RNLS: variants seen among roughly 807,000 people sequenced by gnomAD.
The protein encoded by RNLS is renalase, FAD dependent amine oxidase.
A neutral mutation model predicts 39.8 loss-of-function variants in RNLS; 39 were observed. The ratio of observed to expected loss-of-function variants is 0.98; its 90% confidence interval spans 0.76 to 1.28. The LOEUF (loss-of-function observed/expected upper bound fraction) is 1.28, where lower values mean the gene tolerates loss of function less well. Ranked by LOEUF, RNLS falls within the 50% of genes most tolerant of loss-of-function variation. RNLS has a pLI of 0.00. For synonymous variants in RNLS, 147 were observed against 150.7 expected (o/e 0.98, Z 0.18); for missense variants, 410 against 413.3 (o/e 0.99, Z 0.07).
intron 4 of RNLS, among the ~76,000 whole-genome samples, chr10:88,467,414 C>T (rs540561829): frequency 1.3e-5 from 2 of 152,102 alleles, no homozygotes; most frequent in East Asian, 1.9e-4. Flanking sequence ...CACAAACACA[C>T]TCAAGAAAAA....
chr10:88,548,834 A>C (rs527367212), intron 4 of RNLS, among the ~76,000 whole-genome samples: 3 of 152,000 alleles, frequency 2.0e-5, no homozygotes, highest in African/African-American at 7.2e-5. Context: ...TCTTGCAAAA[A>C]ATAAAAATAA....
At chr10:88,391,937 C>T (rs943700693) in intron 4 of RNLS, among the ~76,000 whole-genome samples, 2 of 152,246 alleles carry the variant, frequency 1.3e-5, no homozygotes, top group Admixed American at 6.5e-5. Context: ...ATGATAAACA[C>T]TGGCAGTCTG....
intron 4 of RNLS, among the ~76,000 whole-genome samples, chr10:88,565,539 T>TGGG (rs1401748975): frequency 2.0e-5 from 3 of 152,082 alleles, no homozygotes; most frequent in Non-Finnish European, 2.9e-5. Flanking sequence ...ATGATTTCCA[T>TGGG]GGGGGTCCAA....
chr10:88,324,722 A>G (rs982232437), intron 5 of RNLS, among the ~76,000 whole-genome samples: 7 of 152,170 alleles, frequency 4.6e-5, no homozygotes, highest in Admixed American at 1.3e-4. Context: ...ATTTTTTAAA[A>G]GCCAACAATG....
intron 4 of RNLS, among the ~76,000 whole-genome samples, chr10:88,512,040 A>G (rs1001237612): frequency 5.3e-5 from 8 of 152,172 alleles, no homozygotes; most frequent in African/African-American, 1.7e-4. Context: ...TTGAATGTAA[A>G]TCAGTAACAC....
the RNLS span, among the ~76,000 whole-genome samples, chr10:88,231,292 C>T: frequency 0.026 from 3,971 of 152,220 alleles, 156 homozygotes; most frequent in African/African-American, 0.087. Flanking sequence ...CAGATGTGCA[C>T]GCACAGAGGA....
chr10:88,573,693 T>C (rs1849986177), intron 3 of RNLS, among the ~76,000 whole-genome samples: 1 of 152,200 alleles, frequency 6.6e-6, no homozygotes, highest in Non-Finnish European at 1.5e-5. Flanking sequence ...TTCTTAGCAC[T>C]TAACACAAGG....
At chr10:88,447,238 T>C (rs929958823) in intron 4 of RNLS, among the ~76,000 whole-genome samples, 3 of 152,200 alleles carry the variant, frequency 2.0e-5, no homozygotes. Flanking sequence ...TGTTTGCAGA[T>C]GTCATGATTG....
chr10:88,446,943 C>T (rs1842069048), intron 4 of RNLS, among the ~76,000 whole-genome samples: 2 of 152,174 alleles, frequency 1.3e-5, no homozygotes, highest in Admixed American at 6.5e-5. Context: ...GCAGAAAAGT[C>T]CTTTGACAAA....
chr10:88,320,305 A>T (rs536252317), intron 5 of RNLS, among the ~76,000 whole-genome samples: 1 of 152,184 alleles, frequency 6.6e-6, no homozygotes, highest in South Asian at 2.1e-4. Context: ...AGTTCTAAAC[A>T]TGAAAACAAA....
At chr10:88,441,329 T>C (rs1368653194) in intron 4 of RNLS, among the ~76,000 whole-genome samples, 2 of 152,180 alleles carry the variant, frequency 1.3e-5, no homozygotes, top group African/African-American at 4.8e-5. Flanking sequence ...CACCTACGTA[T>C]ACACAAGTTG....
the RNLS span, among the ~76,000 whole-genome samples, chr10:88,250,643 T>A: frequency 6.6e-6 from 1 of 152,226 alleles, no homozygotes; most frequent in Non-Finnish European, 1.5e-5. Context: ...ATTTCCTGAT[T>A]TTTAAGTGTT....
intron 4 of RNLS, among the ~76,000 whole-genome samples, chr10:88,513,106 C>T (rs1846224199): frequency 6.6e-6 from 1 of 152,104 alleles, no homozygotes; most frequent in African/African-American, 2.4e-5. Flanking sequence ...ATATACCTCC[C>T]CTCCACTCCT....
chr10:88,226,452 A>G, the RNLS span, among the ~76,000 whole-genome samples: 3 of 152,176 alleles, frequency 2.0e-5, no homozygotes, highest in South Asian at 2.1e-4. Context: ...CCAGAACACA[A>G]AGAACACTTG....
intron 4 of RNLS, among the ~76,000 whole-genome samples, chr10:88,448,110 T>G (rs554023122): frequency 6.6e-6 from 1 of 152,340 alleles, no homozygotes; most frequent in South Asian, 2.1e-4. Flanking sequence ...AAGGACTTCA[T>G]GTTTAAAACA....
At chr10:88,556,862 A>T (rs182731672) in intron 4 of RNLS, among the ~76,000 whole-genome samples, 4 of 152,118 alleles carry the variant, frequency 2.6e-5, no homozygotes, top group Non-Finnish European at 5.9e-5. Flanking sequence ...CTCTTCCCTC[A>T]GCATGTACCA....
intron 4 of RNLS, among the ~76,000 whole-genome samples, chr10:88,468,784 G>A (rs567623567): frequency 3.9e-5 from 6 of 152,246 alleles, no homozygotes; most frequent in Admixed American, 2.0e-4. Context: ...CCATGTTCCC[G>A]TACTACGTCC....
rs200609110 is a variant in RNLS, at chr10:88,313,970, AG to A, written c.876+495del. On this transcript the variant is annotated intron_variant, in intron 6 of 6. Transcript: ENST00000331772. Reference sequence around the variant, plus strand: ...AACAGCTCAACTAGCTGTCCTATGCAGGTACTTATCTCTCTCCCCCAGAGAG... The same window carrying A: ...AACAGCTCAACTAGCTGTCCTATGCAGTACTTATCTCTCTCCCCCAGAGAG... Among the ~76,000 whole-genome samples, 437 of 152,362 alleles carry A rather than the reference AG, an allele frequency of 2.9e-3. 1 individual carries two copies. The highest frequency in any genetic ancestry group is 3.7e-3 in the Non-Finnish European group (252 of 68,040).
At chr10:88,462,761 G>A (rs996382329) in intron 4 of RNLS, among the ~76,000 whole-genome samples, 3 of 151,922 alleles carry the variant, frequency 2.0e-5, no homozygotes, top group Admixed American at 6.6e-5. Context: ...AGTGGAGATG[G>A]AAGTTGAGGA....
Sources: gnomAD v4.1 joint callset for allele counts (sites outside exome capture counted in the v4.1 genomes callset) on GRCh38, gnomAD v4.1.1 for gene constraint, MANE v1.5 for transcripts, NCBI Gene and HGNC (gene_info 2026-07-23, HGNC 2026-07-21) for gene names.